MTMR4: variants seen among roughly 807,000 people sequenced by gnomAD.
MTMR4 encodes the protein phosphatidylinositol-3,5-bisphosphate 3-phosphatase MTMR4.
A neutral mutation model predicts 125.5 loss-of-function variants in MTMR4; 30 were observed. That is an observed-to-expected ratio of 0.24 (90% CI 0.18 to 0.32). The LOEUF is 0.32. Among genes scored for constraint, MTMR4 ranks in the 10% least tolerant of loss-of-function variants. The probability of loss-of-function intolerance (pLI) is 1.00; values close to 1 mark genes in which losing one functional copy is unlikely to be tolerated. For synonymous variants in MTMR4, 498 were observed against 564.5 expected (o/e 0.88, Z 1.67); for missense variants, 1,039 against 1,511.5 (o/e 0.69, Z 5.18).
chr17:58,490,764 A>T lies in MTMR4; in HGVS notation c.*899T>A, dbSNP rs1473303171. On this transcript the variant is annotated 3_prime_UTR_variant, in exon 18 of 18. Coordinates refer to ENST00000682306, the MANE Select transcript of MTMR4 (RefSeq NM_001378067.1). ...ACCTTTGTTTTATTTTCATGCCAGG[A>T]GAGGATCAAGGTGTAGCTCCTGTGT... 1 of 152,676 alleles carries T rather than the reference A, an allele frequency of 6.5e-6. No individual in the cohort carries two copies. Among genetic ancestry groups the T allele is most frequent in the African/African-American group, 2.4e-5 (1 of 41,468 alleles). The allele number at this position is 152,676 out of a possible 1,614,324, so 9.5% of individuals were successfully genotyped here. A position where few individuals can be genotyped will look rare whatever the true frequency, so the allele number is the denominator to read the frequency against.
intron 14 of MTMR4, among the ~76,000 whole-genome samples, chr17:58,501,570 T>C (rs1196423608): frequency 2.0e-5 from 3 of 151,700 alleles, no homozygotes; most frequent in Admixed American, 6.6e-5. Context: ...TATGTATATA[T>C]GTGTGTATAT....
chr17:58,518,274 A>T (rs1337933327), upstream of MTMR4, among the ~76,000 whole-genome samples: 2 of 152,152 alleles, frequency 1.3e-5, no homozygotes, highest in Non-Finnish European at 2.9e-5. Context: ...TGTAGGTTAC[A>T]TGCCTAAAGC....
At chr17:58,507,664 G>A (rs1975812586) in intron 7 of MTMR4, among the ~76,000 whole-genome samples, 1 of 152,192 alleles carries the variant, frequency 6.6e-6, no homozygotes, top group Non-Finnish European at 1.5e-5. Context: ...CTCTATTTTA[G>A]CTACAATATT....
chr17:58,492,671 A>G, intron 16 of MTMR4, 72 bp from the exon 17 acceptor site: 2 of 1,463,152 alleles, frequency 1.4e-6, no homozygotes, highest in East Asian at 2.3e-5. Context: ...CAATGAGGAA[A>G]GCACCCCAGC....
rs570444407 is a variant in MTMR4 at position 58,493,060 on chromosome 17, T to C, written c.3253-108A>G. On this transcript the variant is annotated intron_variant, in intron 15 of 17. Transcript: ENST00000682306. ...GCATTACACACATGAACTTATTTCT[T>C]ATGACAGTCTTACAATGTATACTAC... 3.8e-6 allele frequency: 3 copies of C among 783,914 alleles called. No individual in the cohort carries two copies. The African/African-American group carries it at 5.2e-5, about 13-fold the overall frequency. The allele number at this position is 783,914 out of a possible 1,614,324, so 48.6% of individuals were successfully genotyped here. A position where few individuals can be genotyped will look rare whatever the true frequency, so the allele number is the denominator to read the frequency against.
At chr17:58,498,386 C>G (rs755394879) in intron 14 of MTMR4, among the ~76,000 whole-genome samples, 1 of 151,446 alleles carries the variant, frequency 6.6e-6, no homozygotes, top group Non-Finnish European at 1.5e-5. Context: ...CCTGAGTTTA[C>G]AACAAGGAGA....
At chr17:58,514,772 A>G, upstream of MTMR4, 1 of 696,060 alleles carries the variant, frequency 1.4e-6, no homozygotes, top group East Asian at 1.3e-4. Flanking sequence ...GGCGTACCCT[A>G]CTCCAGGGAC....
At position 58,495,576 on chromosome 17, in the gene MTMR4, G is replaced by T; in HGVS notation, c.2608C>A (p.Leu870Met). 1 of 1,614,178 alleles carries T rather than the reference G, an allele frequency of 6.2e-7. No homozygotes were observed. Among genetic ancestry groups the T allele is most frequent in the South Asian group, 1.1e-5 (1 of 91,086 alleles). The part of the protein sequence containing the change: ...HQEQLSSVPD[L>M]THGEEDIGKR... ...CCAATGTCTTCCTCCCCATGGGTCA[G>T]ATCCGGCACAGAACTCAGTTGTTCC... The change falls in exon 15 of 18, where the codon CTG becomes ATG. Residue 870 changes from leucine (L) to methionine (M), a missense_variant. Leu to Met is a conservative substitution (Grantham distance 15). Around this residue, in one of 6 missense-constraint regions of MTMR4, gnomAD observed 619 missense variants for 714.5 expected, o/e 0.87. Coordinates refer to ENST00000682306, the MANE Select transcript of MTMR4 (RefSeq NM_001378067.1).
chr17:58,507,436 T>C (rs1003028570), intron 7 of MTMR4, 117 bp from the exon 8 acceptor site: 1 of 817,360 alleles, frequency 1.2e-6, no homozygotes. Flanking sequence ...ATCCAGGCCA[T>C]AACAGCAACC....
upstream of MTMR4, among the ~76,000 whole-genome samples, chr17:58,518,402 G>A (rs2042052742): frequency 6.6e-6 from 1 of 152,176 alleles, no homozygotes; most frequent in Non-Finnish European, 1.5e-5. Flanking sequence ...CGCCAGAATA[G>A]GAGAAAAACC....
chr17:58,511,369 G>A, intron 4 of MTMR4, 60 bp downstream of exon 4: 1 of 1,415,724 alleles, frequency 7.1e-7, no homozygotes, highest in Non-Finnish European at 9.8e-7. Context: ...AAACCCTGCA[G>A]CACAGAGAAC....
At chr17:58,501,848 CAGG>C (rs1224588978) in intron 14 of MTMR4, among the ~76,000 whole-genome samples, 1 of 151,918 alleles carries the variant, frequency 6.6e-6, no homozygotes, top group Non-Finnish European at 1.5e-5. Context: ...AACTTGAGGT[CAGG>C]AGTTCAAGAC....
chr17:58,516,534 T>G (rs1430833258), upstream of MTMR4: 1 of 1,610,408 alleles, frequency 6.2e-7, no homozygotes, highest in African/African-American at 1.3e-5. Flanking sequence ...GAAAGACACA[T>G]GGATTACAGA....
intron 15 of MTMR4, among the ~76,000 whole-genome samples, chr17:58,494,035 C>T (rs1255407117): frequency 2.0e-5 from 3 of 152,098 alleles, no homozygotes; most frequent in Non-Finnish European, 2.9e-5. Context: ...CACTGTTGGG[C>T]CGGGCGCAGT....
chr17:58,511,310 C>G (rs1975924874), intron 4 of MTMR4, 119 bp downstream of exon 4: 1 of 953,966 alleles, frequency 1.0e-6, no homozygotes, highest in Non-Finnish European at 1.6e-6. Context: ...TTCACCTTTT[C>G]TTCCAACTGG....
rs868043289 is a variant in MTMR4 at position 58,495,251 on chromosome 17, C to G, written c.2933G>C (p.Cys978Ser). The G allele has an allele frequency of 1.9e-6, 3 of 1,614,072 alleles. No individual in the cohort carries two copies. Among genetic ancestry groups the G allele is most frequent in the African/African-American group, 2.7e-5 (2 of 74,940 alleles). The change falls in exon 15 of 18, where the codon TGT (cysteine) becomes TCT (serine). Residue 978 changes from cysteine (C) to serine (S), a missense_variant. Around this residue, in one of 6 missense-constraint regions of MTMR4, gnomAD observed 619 missense variants for 714.5 expected, o/e 0.87. Transcript: ENST00000682306. ...ACAATGTCCATTGGAATGACTAGAACAGACAGGTGACTTCACACCTTCTCT... is the reference window on the plus strand; with the variant it reads ...ACAATGTCCATTGGAATGACTAGAAGAGACAGGTGACTTCACACCTTCTCT... ...AQREGVKSPV[C>S]SSHSNGHCTG...
chr17:58,512,741 A>C lies in MTMR4; in HGVS notation c.135+111T>G. 1.0e-6 allele frequency: 1 copy of C among 969,234 alleles called. No homozygotes were observed. The highest frequency in any genetic ancestry group is 1.6e-6 in the Non-Finnish European group (1 of 625,650). The allele number at this position is 969,234 out of a possible 1,614,324, so 60.0% of individuals were successfully genotyped here. ...CCTCCTCCTCCAGAGACCAGGGAAC[A>C]TGAAGCCAGAGCTCTGGTACCAGAT... On this transcript the variant is annotated intron_variant, in intron 2 of 17. Coordinates refer to ENST00000682306, the MANE Select transcript of MTMR4 (RefSeq NM_001378067.1). This position sits in a 1 kb window ranked among gnomAD's most constrained non-coding sequence, Gnocchi z 4.1.
chr17:58,501,410 C>G (rs747939569), intron 14 of MTMR4, among the ~76,000 whole-genome samples: 11 of 151,996 alleles, frequency 7.2e-5, no homozygotes, highest in Non-Finnish European at 1.6e-4. Flanking sequence ...GAAGGATTAC[C>G]TGAGGTCAGG....
Position 58,508,609 on chromosome 17 carries a change from G to T in MTMR4, c.497-45C>A. ...ATGGTTAGCTTCCCAGAGCACCAAT[G>T]TGCAGGAGTGGAGGAGGGATGAGAA... is the stretch of plus-strand genomic sequence containing the variant. On this transcript the variant is annotated intron_variant, in intron 5 of 17. Transcript: ENST00000682306. The surrounding 1 kb of genome is among the most constrained non-coding windows in gnomAD (Gnocchi z 4.8). The T allele has an allele frequency of 1.2e-6, 2 of 1,614,144 alleles. No homozygotes were observed. The highest frequency in any genetic ancestry group is 1.7e-6 in the Non-Finnish European group (2 of 1,179,974).
Sources: gnomAD v4.1 joint callset for allele counts (sites outside exome capture counted in the v4.1 genomes callset) on GRCh38, gnomAD v4.1.1 for gene constraint, gnomAD v4.1.1 regional missense constraint, Gnocchi (gnomAD v3.1) non-coding constraint, MANE v1.5 for transcripts, NCBI Gene and HGNC (gene_info 2026-07-23, HGNC 2026-07-21) for gene names.